MEMO1: variants seen among roughly 807,000 people sequenced by gnomAD.
MEMO1 encodes the protein protein MEMO1.
MEMO1 carries 6 observed loss-of-function variants against 45.2 expected under a neutral mutation model. The observed-to-expected ratio is 0.13, with a 90% confidence interval of 0.07 to 0.26. The LOEUF (loss-of-function observed/expected upper bound fraction) is 0.26, where lower values mean the gene tolerates loss of function less well. MEMO1 is among the 10% of genes least tolerant of loss of function. MEMO1 has a pLI of 1.00. For synonymous variants in MEMO1, 78 were observed against 124.3 expected (o/e 0.63, Z 2.48); for missense variants, 184 against 370.5 (o/e 0.50, Z 4.13).
At chr2:31,971,778 T>G (rs1054628413) in intron 2 of MEMO1, among the ~76,000 whole-genome samples, 2 of 152,136 alleles carry the variant, frequency 1.3e-5, no homozygotes, top group African/African-American at 4.8e-5. Flanking sequence ...AAGACCAGCC[T>G]GGCCAACATA....
At chr2:31,935,042 T>A (rs1008076233) in intron 3 of MEMO1, among the ~76,000 whole-genome samples, 4 of 152,338 alleles carry the variant, frequency 2.6e-5, no homozygotes, top group African/African-American at 9.6e-5. Flanking sequence ...TCAGGCATCT[T>A]CTATGTACTT....
At chr2:31,891,078 C>T (rs1039171884) in intron 7 of MEMO1, among the ~76,000 whole-genome samples, 2 of 152,136 alleles carry the variant, frequency 1.3e-5, no homozygotes, top group African/African-American at 4.8e-5. Context: ...GGGTAAGACA[C>T]ATAAAATGCC....
At chr2:31,893,153 A>C in intron 6 of MEMO1, 1 of 183,524 alleles carries the variant, frequency 5.4e-6, no homozygotes, top group Non-Finnish European at 1.3e-5. Context: ...AAAAATACTA[A>C]GTTTAAATAA....
At chr2:31,968,438 T>C (rs1668887720) in intron 2 of MEMO1, among the ~76,000 whole-genome samples, 1 of 152,150 alleles carries the variant, frequency 6.6e-6, no homozygotes. Context: ...CGACCCAGAA[T>C]TCCCTAAGTC....
intron 2 of MEMO1, among the ~76,000 whole-genome samples, chr2:31,952,368 T>G (rs140205620): frequency 2.0e-5 from 3 of 152,218 alleles, no homozygotes; most frequent in Non-Finnish European, 4.4e-5. Context: ...CCTCTTAGAT[T>G]TGGCCAACTG....
chr2:31,936,560 G>A (rs1664947062), intron 3 of MEMO1, among the ~76,000 whole-genome samples: 2 of 152,134 alleles, frequency 1.3e-5, no homozygotes, highest in Non-Finnish European at 2.9e-5. Flanking sequence ...AATCAAGTGA[G>A]GATGCAAAGG....
At chr2:31,959,501 G>GA (rs70964743) in intron 2 of MEMO1, among the ~76,000 whole-genome samples, 21,300 of 142,356 alleles carry the variant, frequency 0.15, 1,587 homozygotes, top group Middle Eastern at 0.21. Flanking sequence ...AATGAGAACT[G>GA]AAAAAAAAAA....
intron 6 of MEMO1, among the ~76,000 whole-genome samples, chr2:31,903,879 T>C (rs914011998): frequency 2.2e-4 from 33 of 152,228 alleles, no homozygotes; most frequent in Admixed American, 9.8e-4. Context: ...AGGAAGAGAA[T>C]CTCTGGCTTC....
chr2:31,889,635 C>T (rs1373031801), intron 7 of MEMO1, among the ~76,000 whole-genome samples: 1 of 152,010 alleles, frequency 6.6e-6, no homozygotes, highest in Admixed American at 6.6e-5. Context: ...GAAAATGTAT[C>T]TCACTTTACA....
chr2:32,008,338 G>A (rs1388942741), intron 2 of MEMO1, among the ~76,000 whole-genome samples: 2 of 152,312 alleles, frequency 1.3e-5, no homozygotes, highest in African/African-American at 4.8e-5. Flanking sequence ...GTAATCCCAG[G>A]ACTTTGGGAG....
At chr2:31,933,352 T>TAAAAAAAAAAA (rs1558514359) in intron 3 of MEMO1, among the ~76,000 whole-genome samples, 7 of 12,218 alleles carry the variant, frequency 5.7e-4, no homozygotes, top group East Asian at 3.6e-3. Context: ...AAAAAAAATT[T>TAAAAAAAAAAA]ATATATATAT....
rs201233990 is a variant in MEMO1 at position 31,913,100 on chromosome 2, AC to A, written c.437+4825del. 4.3e-4 allele frequency among the ~76,000 whole-genome samples: 65 copies of A among 152,180 alleles called. No individual in the cohort carries two copies. In the East Asian group the frequency reaches 0.011, roughly 25 times the overall value. On this transcript the variant is annotated intron_variant, in intron 6 of 9. Transcript: ENST00000404530. Reference sequence around the variant, plus strand: ...GAGACCATTCTGGCCAACAAGGTCTACTAAAAATACAAAAATTAGCTGGGCA... The same window carrying A: ...GAGACCATTCTGGCCAACAAGGTCTATAAAAATACAAAAATTAGCTGGGCA...
intron 2 of MEMO1, among the ~76,000 whole-genome samples, chr2:31,973,433 G>A (rs1669637599): frequency 6.6e-6 from 1 of 151,586 alleles, no homozygotes; most frequent in Non-Finnish European, 1.5e-5. Flanking sequence ...CAGACTCAGT[G>A]ACAGAGCAAG....
intron 2 of MEMO1, among the ~76,000 whole-genome samples, chr2:31,987,288 C>A (rs757503654): frequency 6.6e-6 from 1 of 152,176 alleles, no homozygotes; most frequent in Non-Finnish European, 1.5e-5. Flanking sequence ...TGTGAGCCAC[C>A]TTGCCTGGAC....
intron 2 of MEMO1, 56 bp from the exon 3 acceptor site, chr2:31,943,439 C>T: frequency 8.0e-7 from 1 of 1,248,664 alleles, no homozygotes; most frequent in South Asian, 1.2e-5. Context: ...TACAGATAAA[C>T]ATATGTGGCA....
At chr2:31,980,329 A>C (rs1265618369) in intron 2 of MEMO1, among the ~76,000 whole-genome samples, 1 of 152,208 alleles carries the variant, frequency 6.6e-6, no homozygotes, top group Non-Finnish European at 1.5e-5. Flanking sequence ...GCTACTTGGA[A>C]GGCCAAGACA....
At position 31,891,002 on chromosome 2, in the gene MEMO1, T is replaced by C. The variant is rs114068319; in HGVS notation, c.580+990A>G. On this transcript the variant is annotated intron_variant, in intron 7 of 9. Coordinates refer to ENST00000404530, the MANE Select transcript of MEMO1 (RefSeq NM_001301833.4). ...CAACTTTGAAAAGGCCATTCAGAGA[T>C]AGAAGCAAGAGAAGACACCAGCCCA... is the stretch of plus-strand genomic sequence containing the variant. Among the ~76,000 whole-genome samples, 607 of 152,244 alleles carry C rather than the reference T, an allele frequency of 4.0e-3. 3 individuals are homozygous for C. The highest frequency in any genetic ancestry group is 5.6e-3 in the Non-Finnish European group (378 of 67,994).
chr2:31,968,818 T>G (rs989688298), intron 2 of MEMO1, among the ~76,000 whole-genome samples: 1 of 152,182 alleles, frequency 6.6e-6, no homozygotes, highest in Admixed American at 6.5e-5. Context: ...TTTTAGATAG[T>G]AAATATGTTC....
At chr2:31,969,597 GTGTGTGT>G (rs1558542112) in intron 2 of MEMO1, among the ~76,000 whole-genome samples, 5 of 140,614 alleles carry the variant, frequency 3.6e-5, no homozygotes, top group African/African-American at 1.1e-4. Context: ...GTGTGTGTGT[GTGTGTGT>G]GTGTGTGTGT....
Sources: allele counts gnomAD v4.1 joint callset (sites outside exome capture counted in the v4.1 genomes callset), GRCh38; gene constraint gnomAD v4.1.1; transcripts MANE v1.5; gene names NCBI Gene and HGNC (gene_info 2026-07-23, HGNC 2026-07-21).